LRRC28: variants seen among roughly 807,000 people sequenced by gnomAD.
The protein encoded by LRRC28 is leucine-rich repeat-containing protein 28.
In LRRC28, 39 loss-of-function variants were observed where a neutral mutation model predicts 45.7. The observed-to-expected ratio is 0.85, with a 90% CI of 0.66 to 1.12. The LOEUF is 1.12. LRRC28 is among the 50% of genes most tolerant of loss of function. The probability of loss-of-function intolerance (pLI) is 0.00; values close to 1 mark genes in which losing one functional copy is unlikely to be tolerated. For missense variants in LRRC28, 435 were observed against 438.5 expected (o/e 0.99, Z 0.07); for synonymous variants, 206 against 178.8 (o/e 1.15, Z -1.22).
chr15:99,342,893 G>C (rs550034501), intron 6 of LRRC28, among the ~76,000 whole-genome samples: 43 of 152,290 alleles, frequency 2.8e-4, no homozygotes, highest in African/African-American at 1.0e-3. Context: ...CTTTGTAAGA[G>C]AGTTAATGGA....
rs974978471 is a variant in LRRC28, at chr15:99,251,495, T to C, written c.-107T>C. 6.1e-5 allele frequency: 9 copies of C among 148,654 alleles called. No homozygotes were observed. The highest frequency in any genetic ancestry group is 2.2e-4 in the African/African-American group (9 of 40,804). 9.2% of individuals were successfully genotyped at this position (148,654 alleles called of 1,614,324 possible). A position where few individuals can be genotyped will look rare whatever the true frequency, so the allele number is the denominator to read the frequency against. ...CCCCGCCCGCCGTCCCCCGCTTGGCTTCCAGCGCCGCTTGCGCTCCGGAGC... is the reference window on the plus strand; with the variant it reads ...CCCCGCCCGCCGTCCCCCGCTTGGCCTCCAGCGCCGCTTGCGCTCCGGAGC... On this transcript the variant is annotated 5_prime_UTR_variant, in exon 1 of 10. Transcript: ENST00000301981.
rs1327703930 is a variant in LRRC28 at position 99,350,114 on chromosome 15, G to A, written c.593-2255G>A. On this transcript the variant is annotated intron_variant, in intron 6 of 9. Transcript: ENST00000301981. ...TTGCGCCACTGCAGTCCGCAGTCCG[G>A]CCTGGGCGACAGAGCGAGACTCCGT... Among the ~76,000 whole-genome samples, 4 of 145,004 alleles carry A rather than the reference G, an allele frequency of 2.8e-5. No homozygotes were observed. In the East Asian group the frequency reaches 6.0e-4, roughly 22 times the overall value.
At chr15:99,257,925 A>T (rs947092691) in intron 2 of LRRC28, 1 of 770,430 alleles carries the variant, frequency 1.3e-6, no homozygotes, top group Non-Finnish European at 2.4e-6. Context: ...AAATAAAGAG[A>T]TTTTCCTTAG....
At chr15:99,340,366 G>GT (rs1183057678) in intron 6 of LRRC28, among the ~76,000 whole-genome samples, 2 of 152,172 alleles carry the variant, frequency 1.3e-5, no homozygotes, top group African/African-American at 4.8e-5. Context: ...AACTGTACTT[G>GT]TTTTTTCTAT....
chr15:99,378,185 T>C (rs922861808), intron 9 of LRRC28, among the ~76,000 whole-genome samples: 25 of 152,252 alleles, frequency 1.6e-4, no homozygotes, highest in Non-Finnish European at 3.2e-4. Flanking sequence ...GCATGGAATA[T>C]TCTTCCATTT....
At chr15:99,323,270 G>T (rs1199444617) in intron 5 of LRRC28, among the ~76,000 whole-genome samples, 1 of 152,082 alleles carries the variant, frequency 6.6e-6, no homozygotes, top group East Asian at 1.9e-4. Context: ...GACCAGTCTG[G>T]GTTTAAAAAT....
intron 5 of LRRC28, among the ~76,000 whole-genome samples, chr15:99,311,247 T>C (rs1955398809): frequency 1.3e-5 from 2 of 152,356 alleles, no homozygotes; most frequent in South Asian, 4.1e-4. Flanking sequence ...TGTATAATTT[T>C]CCACTTGTGG....
intron 3 of LRRC28, 119 bp downstream of exon 3, chr15:99,276,735 G>C (rs1330290877): frequency 1.4e-6 from 1 of 721,882 alleles, no homozygotes; most frequent in Admixed American, 3.8e-5. Flanking sequence ...TCATGATCAT[G>C]GTACTCATGT....
chr15:99,284,505 A>G (rs1450146887), intron 3 of LRRC28: 3 of 454,606 alleles, frequency 6.6e-6, no homozygotes, highest in African/African-American at 4.0e-5. Flanking sequence ...TCTTTGTAGC[A>G]GGTAGGCCCT....
At chr15:99,286,514 T>C (rs963698067) in intron 3 of LRRC28, among the ~76,000 whole-genome samples, 7 of 152,376 alleles carry the variant, frequency 4.6e-5, no homozygotes, top group African/African-American at 1.7e-4. Context: ...ATCAATGATA[T>C]AAATTTATTT....
At chr15:99,294,875 C>G (rs1229603933) in intron 5 of LRRC28, among the ~76,000 whole-genome samples, 1 of 152,244 alleles carries the variant, frequency 6.6e-6, no homozygotes, top group Non-Finnish European at 1.5e-5. Flanking sequence ...AGGTGCTTCA[C>G]TTGCCCCCAA....
intron 5 of LRRC28, among the ~76,000 whole-genome samples, chr15:99,323,863 A>G (rs1479096210): frequency 6.6e-6 from 1 of 152,224 alleles, no homozygotes; most frequent in Non-Finnish European, 1.5e-5. Context: ...TCGATGATCT[A>G]AATAGTTGAG....
intron 3 of LRRC28, among the ~76,000 whole-genome samples, chr15:99,280,669 A>G (rs1181110274): frequency 2.0e-5 from 3 of 151,862 alleles, no homozygotes; most frequent in Admixed American, 6.6e-5. Flanking sequence ...TAAGGGTTTG[A>G]TTTAGGTGTA....
At chr15:99,346,436 T>C (rs1052697369) in intron 6 of LRRC28, among the ~76,000 whole-genome samples, 1 of 152,182 alleles carries the variant, frequency 6.6e-6, no homozygotes, top group Non-Finnish European at 1.5e-5. Context: ...TTATGATAAA[T>C]TACATTTTAA....
chr15:99,293,988 A>G (rs936246341), intron 5 of LRRC28, among the ~76,000 whole-genome samples: 6 of 152,130 alleles, frequency 3.9e-5, no homozygotes, highest in Non-Finnish European at 7.4e-5. Context: ...TTCTTTGAGC[A>G]CTTTAAGGAA....
At chr15:99,263,091 C>T (rs2081242319) in intron 2 of LRRC28, among the ~76,000 whole-genome samples, 1 of 150,316 alleles carries the variant, frequency 6.7e-6, no homozygotes, top group Admixed American at 6.6e-5. Context: ...AGGCGGATCA[C>T]TTGAGCTCAG....
intron 2 of LRRC28, chr15:99,258,151 A>G: frequency 6.2e-7 from 1 of 1,612,556 alleles, no homozygotes; most frequent in Non-Finnish European, 8.5e-7. Flanking sequence ...TTTTAAACAA[A>G]ATGACTGAAG....
At chr15:99,256,298 A>C (rs999270570) in intron 2 of LRRC28, 173 bp downstream of exon 2, 2 of 494,584 alleles carry the variant, frequency 4.0e-6, no homozygotes, top group African/African-American at 4.0e-5. Flanking sequence ...TTGTTATCCA[A>C]GTTCGTGCAG....
At chr15:99,289,413 C>G (rs2082048504) in intron 5 of LRRC28, among the ~76,000 whole-genome samples, 2 of 152,102 alleles carry the variant, frequency 1.3e-5, no homozygotes, top group Admixed American at 6.6e-5. Flanking sequence ...TTTAGTGTAT[C>G]TAAGTGAAAT....
Sources: allele counts gnomAD v4.1 joint callset (sites outside exome capture counted in the v4.1 genomes callset), GRCh38; gene constraint gnomAD v4.1.1; transcripts MANE v1.5; gene names NCBI Gene and HGNC (gene_info 2026-07-23, HGNC 2026-07-21).